WDFY2: variants seen among roughly 807,000 people sequenced by gnomAD.
WDFY2 encodes the protein WD repeat and FYVE domain containing 2.
Under a neutral mutation model 56.4 loss-of-function variants are expected in WDFY2, and 36 were observed. The ratio of observed to expected loss-of-function variants is 0.64; its 90% CI spans 0.49 to 0.84. The LOEUF is 0.84. WDFY2 is among the 40% of genes least tolerant of loss of function. The probability of loss-of-function intolerance (pLI) is 0.00; values close to 1 mark genes in which losing one functional copy is unlikely to be tolerated. For synonymous variants in WDFY2, 176 were observed against 183.7 expected (o/e 0.96, Z 0.34); for missense variants, 444 against 512.2 (o/e 0.87, Z 1.29).
chr13:51,630,272 G>A (rs1424841833), intron 1 of WDFY2, among the ~76,000 whole-genome samples: 1 of 152,036 alleles, frequency 6.6e-6, no homozygotes, highest in African/African-American at 2.4e-5. Context: ...TCCCATGTAC[G>A]ATTTCTTACT....
At position 51,763,214 on chromosome 13, in the gene WDFY2, G is replaced by A. The variant is rs1953644018; in HGVS notation, c.*3445G>A. The stretch of plus-strand genomic sequence containing the variant: ...TACTTAGTAATGGCATGAGTGGGAG[G>A]AGAGACTTTCAGCACCTTGAGACAG... On this transcript the variant is annotated 3_prime_UTR_variant, in exon 12 of 12. Coordinates refer to ENST00000298125, the MANE Select transcript of WDFY2 (RefSeq NM_052950.4). 1 of 152,298 alleles carries A rather than the reference G, an allele frequency of 6.6e-6. No individual in the cohort carries two copies. The highest frequency in any genetic ancestry group is 3.4e-3 in the Middle Eastern group (1 of 294). The allele number at this position is 152,298 out of a possible 1,614,324, so 9.4% of individuals were successfully genotyped here.
chr13:51,597,945 G>A (rs1022009473), intron 1 of WDFY2, among the ~76,000 whole-genome samples: 1 of 152,158 alleles, frequency 6.6e-6, no homozygotes, highest in African/African-American at 2.4e-5. Flanking sequence ...CCCACTCATG[G>A]GTTTTAAGAT....
intron 4 of WDFY2, 111 bp downstream of exon 4, chr13:51,703,761 G>A: frequency 1.1e-6 from 1 of 895,608 alleles, no homozygotes; most frequent in Non-Finnish European, 1.7e-6. Flanking sequence ...ACAAAACAGA[G>A]CAACCTTTTG....
At chr13:51,676,200 G>A (rs916929400) in intron 3 of WDFY2, among the ~76,000 whole-genome samples, 1 of 152,144 alleles carries the variant, frequency 6.6e-6, no homozygotes, top group Non-Finnish European at 1.5e-5. Context: ...TTTCCTAGAT[G>A]TGTCCTTAGA....
chr13:51,617,994 A>T (rs976801717), intron 1 of WDFY2, among the ~76,000 whole-genome samples: 5 of 152,338 alleles, frequency 3.3e-5, no homozygotes, highest in African/African-American at 1.2e-4. Context: ...GTCTAACTAT[A>T]GATACTAACA....
rs140794010 is a variant in WDFY2 at position 51,730,451 on chromosome 13, G to A, written c.598+2661G>A. ...TCTGCGGTTTCCCAGGATCTTCCCT[G>A]GATCCCCTTCTCTTTACGCTCTGTG... On this transcript the variant is annotated intron_variant, in intron 6 of 11. Transcript: ENST00000298125. 4.5e-3 allele frequency among the ~76,000 whole-genome samples: 681 copies of A among 152,290 alleles called. 4 individuals carry two copies. The highest frequency in any genetic ancestry group is 7.0e-3 in the Non-Finnish European group (479 of 68,028).
At chr13:51,622,980 C>G (rs938733645) in intron 1 of WDFY2, among the ~76,000 whole-genome samples, 1 of 151,578 alleles carries the variant, frequency 6.6e-6, no homozygotes, top group South Asian at 2.1e-4. Flanking sequence ...GCCTCAGCCT[C>G]CCGAGTAGTT....
intron 1 of WDFY2, among the ~76,000 whole-genome samples, chr13:51,628,859 A>G (rs1449508989): frequency 6.6e-6 from 1 of 152,208 alleles, no homozygotes; most frequent in Non-Finnish European, 1.5e-5. Context: ...TTTAAGATTG[A>G]GCAGCAGACT....
At chr13:51,586,444 T>G (rs1415154328) in intron 1 of WDFY2, 1 of 160,034 alleles carries the variant, frequency 6.2e-6, no homozygotes, top group Non-Finnish European at 1.4e-5. Flanking sequence ...TTAAGTACGG[T>G]AGTGAGAAGG....
At chr13:51,739,236 C>A in intron 7 of WDFY2, 61 bp downstream of exon 7, 1 of 1,506,688 alleles carries the variant, frequency 6.6e-7, no homozygotes, top group Non-Finnish European at 8.9e-7. Context: ...ACAGCTAGAA[C>A]AAAGGAGTGC....
intron 1 of WDFY2, chr13:51,586,330 T>A (rs544242057): frequency 5.9e-6 from 2 of 340,034 alleles, no homozygotes; most frequent in Admixed American, 4.8e-5. Context: ...GATCAATTTC[T>A]AACTGCTGTG....
intron 1 of WDFY2, among the ~76,000 whole-genome samples, chr13:51,613,013 T>G (rs1382226517): frequency 6.6e-6 from 1 of 152,086 alleles, no homozygotes; most frequent in African/African-American, 2.4e-5. Context: ...AAAATTATTC[T>G]TGGTGGAGGC....
chr13:51,618,353 T>C (rs1297145085), intron 1 of WDFY2, among the ~76,000 whole-genome samples: 8 of 152,230 alleles, frequency 5.3e-5, no homozygotes, highest in African/African-American at 1.9e-4. Context: ...AAATGGAGAA[T>C]TGACAGTTTG....
At chr13:51,609,665 T>A (rs552145727) in intron 1 of WDFY2, among the ~76,000 whole-genome samples, 1 of 117,842 alleles carries the variant, frequency 8.5e-6, no homozygotes, top group African/African-American at 3.3e-5. Flanking sequence ...CAGGAGAATA[T>A]TTTAGAAAGG....
intron 1 of WDFY2, among the ~76,000 whole-genome samples, chr13:51,595,924 G>C (rs1954135921): frequency 6.6e-6 from 1 of 152,198 alleles, no homozygotes; most frequent in African/African-American, 2.4e-5. Flanking sequence ...ACTGGAGTCA[G>C]AGAAGCCTGG....
chr13:51,628,288 G>A (rs1032031666), intron 1 of WDFY2, among the ~76,000 whole-genome samples: 1 of 152,242 alleles, frequency 6.6e-6, no homozygotes, highest in African/African-American at 2.4e-5. Flanking sequence ...GGGGATGCTG[G>A]TGTGCAGTGC....
intron 7 of WDFY2, 102 bp from the exon 8 acceptor site, chr13:51,751,208 C>A (rs1231172343): frequency 2.0e-6 from 2 of 1,015,730 alleles, no homozygotes; most frequent in Middle Eastern, 5.4e-4. Flanking sequence ...ACACTGGGGG[C>A]TCGGAGTGAG....
chr13:51,740,708 C>T (rs901036024), intron 7 of WDFY2, among the ~76,000 whole-genome samples: 5 of 144,384 alleles, frequency 3.5e-5, no homozygotes, highest in East Asian at 2.0e-4. Flanking sequence ...AGCAAGACTC[C>T]GTCTCAAAAA....
At chr13:51,672,139 A>C (rs1367367700) in intron 2 of WDFY2, among the ~76,000 whole-genome samples, 1 of 152,142 alleles carries the variant, frequency 6.6e-6, no homozygotes, top group Admixed American at 6.5e-5. Flanking sequence ...AATGCCTAGA[A>C]AGGTTTTCCA....
Sources: allele counts gnomAD v4.1 joint callset (sites outside exome capture counted in the v4.1 genomes callset), GRCh38; gene constraint gnomAD v4.1.1; transcripts MANE v1.5; gene names NCBI Gene and HGNC (gene_info 2026-07-23, HGNC 2026-07-21).